Variants in PDE10A observed in about 807,000 individuals in gnomAD.
PDE10A encodes the protein cAMP and cAMP-inhibited cGMP 3',5'-cyclic phosphodiesterase 10A.
In PDE10A, 39 loss-of-function variants were observed where a neutral mutation model predicts 97.7. That is an observed-to-expected ratio of 0.40 (90% CI 0.31 to 0.52). PDE10A has a LOEUF of 0.52. PDE10A is among the 20% of genes least tolerant of loss of function. PDE10A has a pLI of 0.56. For synonymous variants in PDE10A, 371 were observed against 376.8 expected, an observed-to-expected ratio of 0.98 and a Z score of 0.18; for missense variants, 731 against 1,047.8, an observed-to-expected ratio of 0.70 and a Z score of 4.17.
At chr6:165,778,365 T>C (rs9347086) in intron 1 of PDE10A, among the ~76,000 whole-genome samples, 23,666 of 152,216 alleles carry the variant, frequency 0.16, 2,515 homozygotes, top group East Asian at 0.46. Context: ...CCACCGCGCC[T>C]GGCCTACATG....
At chr6:165,416,735 C>T (rs560577254) in intron 11 of PDE10A, among the ~76,000 whole-genome samples, 35 of 152,242 alleles carry the variant, frequency 2.3e-4, no homozygotes, top group Non-Finnish European at 4.3e-4. Flanking sequence ...TGCTTTCTAC[C>T]ACACATATAA....
chr6:165,869,848 G>C (rs1472921501), intron 1 of PDE10A, among the ~76,000 whole-genome samples: 1 of 151,968 alleles, frequency 6.6e-6, no homozygotes, highest in African/African-American at 2.4e-5. Context: ...ATCAGGGAAA[G>C]GACACATTCT....
intron 2 of PDE10A, among the ~76,000 whole-genome samples, chr6:165,539,769 A>AG: frequency 6.6e-6 from 1 of 151,966 alleles, no homozygotes; most frequent in African/African-American, 2.4e-5. Flanking sequence ...AAAAAAAAAA[A>AG]TACAAATAGT....
In PDE10A at chr6:165,418,740, G is replaced by A. The variant is rs1219360196; in HGVS notation, c.1691C>T (p.Ala564Val). ...GTTCTTATGGTCCACCTGGAAAAGC[G>A]CACAACGATCGGCATTCACCAGGTT... is the stretch of plus-strand genomic sequence containing the variant. The part of the protein sequence containing the change: ...AKNLVNADRC[A>V]LFQVDHKNKE... The change falls in exon 11 of 22, where the codon GCG (alanine) becomes GTG (valine). Residue 564 changes from alanine to valine, a missense_variant. Physicochemically the swap from Ala to Val is moderately conservative, Grantham distance 64 (BLOSUM62 0). Transcript: ENST00000539869. The surrounding 1 kb of genome is among the most constrained non-coding windows in gnomAD (Gnocchi z 4.8). 2.5e-6 allele frequency: 4 copies of A among 1,613,512 alleles called. No homozygotes were observed. Among genetic ancestry groups the A allele is most frequent in the Non-Finnish European group, 2.5e-6 (3 of 1,179,712 alleles).
At chr6:165,969,599 C>G (rs576808084) in intron 1 of PDE10A, among the ~76,000 whole-genome samples, 1 of 151,702 alleles carries the variant, frequency 6.6e-6, no homozygotes, top group Non-Finnish European at 1.5e-5. Flanking sequence ...TGACCAAAAC[C>G]GCAATTACTT....
intron 1 of PDE10A, among the ~76,000 whole-genome samples, chr6:165,818,910 T>C (rs1392576440): frequency 1.3e-5 from 2 of 152,240 alleles, no homozygotes; most frequent in African/African-American, 4.8e-5. Context: ...TTCAAATTAA[T>C]CTTAACTCTT....
chr6:165,573,240 T>C (rs1020840700), intron 1 of PDE10A, among the ~76,000 whole-genome samples: 3 of 150,758 alleles, frequency 2.0e-5, no homozygotes, highest in Non-Finnish European at 4.4e-5. Context: ...TTCACTATGA[T>C]GACAATTTGG....
intron 1 of PDE10A, among the ~76,000 whole-genome samples, chr6:165,821,896 G>C (rs1438316218): frequency 1.8e-5 from 2 of 108,150 alleles, no homozygotes; most frequent in Non-Finnish European, 4.2e-5. Flanking sequence ...TGAGTGAGGT[G>C]CCGGGTTTTT....
intron 18 of PDE10A, among the ~76,000 whole-genome samples, chr6:165,344,670 A>G (rs1228492288): frequency 6.6e-6 from 1 of 152,180 alleles, no homozygotes; most frequent in Non-Finnish European, 1.5e-5. Flanking sequence ...AGATGTTTGG[A>G]TACCTGGAAT....
chr6:165,897,923 T>C (rs1196952718), intron 1 of PDE10A, among the ~76,000 whole-genome samples: 5 of 151,998 alleles, frequency 3.3e-5, no homozygotes, highest in Non-Finnish European at 7.4e-5. Flanking sequence ...TCTCACCTCA[T>C]GTCCACCCAG....
At position 165,542,612 on chromosome 6, in the gene PDE10A, C is replaced by CTTTTTTTTTTTTTTTTTTTTT. The variant is rs545149187; in HGVS notation, c.994+807_994+827dup. On this transcript the variant is annotated intron_variant, in intron 2 of 21. Coordinates refer to ENST00000539869, the MANE Select transcript of PDE10A (RefSeq NM_001385079.1). ...TTTAGGTCAAAAAGATGTCCTTGTT[C>CTTTTTTTTTTTTTTTTTTTTT]TTTTTTTTTTTTTTTTTTTTTTTTT... 3.4e-4 allele frequency among the ~76,000 whole-genome samples: 26 copies of CTTTTTTTTTTTTTTTTTTTTT among 76,456 alleles called. 2 individuals carry two copies. The highest frequency in any genetic ancestry group is 2.3e-3 in the East Asian group (4 of 1,768). 50.2% of individuals were successfully genotyped at this position (76,456 alleles called of 152,430 possible).
intron 1 of PDE10A, among the ~76,000 whole-genome samples, chr6:165,565,023 T>C (rs1414936127): frequency 6.6e-6 from 1 of 152,162 alleles, no homozygotes; most frequent in East Asian, 1.9e-4. Flanking sequence ...AGACAAAAAA[T>C]AGGTAATAGG....
intron 1 of PDE10A, among the ~76,000 whole-genome samples, chr6:165,629,670 A>G (rs1210724543): frequency 1.3e-5 from 2 of 151,816 alleles, no homozygotes; most frequent in Non-Finnish European, 2.9e-5. Context: ...AGTAGTTAGG[A>G]TGACAAGTGC....
At chr6:165,776,407 C>T (rs370294429) in intron 1 of PDE10A, among the ~76,000 whole-genome samples, 17 of 152,246 alleles carry the variant, frequency 1.1e-4, no homozygotes, top group African/African-American at 3.6e-4. Flanking sequence ...GCCATTTTTG[C>T]TTATTTCGAT....
At chr6:165,406,990 C>T (rs185905272) in intron 13 of PDE10A, among the ~76,000 whole-genome samples, 920 of 152,210 alleles carry the variant, frequency 6.0e-3, no homozygotes, top group Middle Eastern at 0.01. Flanking sequence ...GTGAGGCTTT[C>T]AGACTTGGAC....
At chr6:165,534,229 C>T (rs531240805) in intron 2 of PDE10A, among the ~76,000 whole-genome samples, 2 of 150,776 alleles carry the variant, frequency 1.3e-5, no homozygotes, top group East Asian at 2.0e-4. Context: ...TAACCTGACA[C>T]GACTGTACCA....
chr6:165,798,438 A>G (rs959336555), intron 1 of PDE10A, among the ~76,000 whole-genome samples: 1 of 152,292 alleles, frequency 6.6e-6, no homozygotes, highest in Non-Finnish European at 1.5e-5. Context: ...TTCTGTCAGT[A>G]TGTGGCCACT....
intron 1 of PDE10A, among the ~76,000 whole-genome samples, chr6:165,768,209 T>C (rs931703533): frequency 2.6e-5 from 4 of 152,220 alleles, no homozygotes; most frequent in African/African-American, 9.6e-5. Context: ...GATAGATGAT[T>C]TGCAAGTATT....
At chr6:165,470,913 T>C (rs1440177085) in intron 3 of PDE10A, among the ~76,000 whole-genome samples, 1 of 152,182 alleles carries the variant, frequency 6.6e-6, no homozygotes, top group Non-Finnish European at 1.5e-5. Context: ...AGAAAAAAAC[T>C]AAAACAAAAC....
Sources: allele counts gnomAD v4.1 joint callset (sites outside exome capture counted in the v4.1 genomes callset), GRCh38; gene constraint gnomAD v4.1.1; non-coding constraint Gnocchi (gnomAD v3.1); transcripts MANE v1.5; gene names NCBI Gene and HGNC (gene_info 2026-07-23, HGNC 2026-07-21).